Variants in TOM1L1 observed in about 807,000 individuals in gnomAD.
TOM1L1 encodes the protein TOM1-like protein 1.
In TOM1L1, 64 loss-of-function variants were observed where a neutral mutation model predicts 63.4. That is an observed-to-expected ratio of 1.01 (90% CI 0.83 to 1.24). The LOEUF is 1.24. Among genes scored for constraint, TOM1L1 ranks in the 50% most tolerant of loss-of-function variants. The pLI, the probability that TOM1L1 is intolerant of heterozygous loss-of-function variation, is 0.00. For synonymous variants in TOM1L1, 166 were observed against 194.4 expected, an observed-to-expected ratio of 0.85 and a Z score of 1.22; for missense variants, 536 against 567.0, an observed-to-expected ratio of 0.95 and a Z score of 0.55.
At chr17:54,951,249 C>T (rs756410751) in intron 14 of TOM1L1, among the ~76,000 whole-genome samples, 30 of 152,204 alleles carry the variant, frequency 2.0e-4, no homozygotes, top group Non-Finnish European at 3.8e-4. Context: ...AAGAGATGCA[C>T]AGGGCGAGGC....
At chr17:54,957,101 C>T (rs2049551326) in intron 14 of TOM1L1, 1 of 152,228 alleles carries the variant, frequency 6.6e-6, no homozygotes, top group Non-Finnish European at 1.5e-5. Flanking sequence ...CAGGTGATTA[C>T]TCAAGTTGAT....
chr17:54,936,793 T>C, intron 9 of TOM1L1, 84 bp downstream of exon 9: 1 of 1,223,812 alleles, frequency 8.2e-7, no homozygotes, highest in South Asian at 1.4e-5. Context: ...AAAACAAGTC[T>C]TAAAAAGAGG....
intron 10 of TOM1L1, 41 bp from the exon 11 acceptor site, chr17:54,938,883 C>T (rs1408491403): frequency 3.2e-6 from 4 of 1,261,784 alleles, no homozygotes; most frequent in East Asian, 2.5e-5. Flanking sequence ...AACTGACTGA[C>T]AAAATGTTTT....
At chr17:54,927,362 T>A (rs183410817) in intron 7 of TOM1L1, among the ~76,000 whole-genome samples, 5 of 152,316 alleles carry the variant, frequency 3.3e-5, no homozygotes, top group Admixed American at 2.0e-4. Context: ...TTTGTGTTTC[T>A]TTTTATTGAG....
chr17:54,900,956 G>T (rs755776533), intron 1 of TOM1L1, 33 bp downstream of exon 1: 26 of 1,613,332 alleles, frequency 1.6e-5, no homozygotes, highest in Non-Finnish European at 2.1e-5. Flanking sequence ...GCCCAGGCAG[G>T]CAGGGGACCG....
chr17:54,926,409 T>G (rs918703227), intron 7 of TOM1L1, among the ~76,000 whole-genome samples: 13 of 152,316 alleles, frequency 8.5e-5, no homozygotes, highest in African/African-American at 3.1e-4. Flanking sequence ...GCCACCTTCC[T>G]CTTATCTTGA....
chr17:54,908,793 G>GTAGCC, intron 3 of TOM1L1, among the ~76,000 whole-genome samples: 1 of 152,292 alleles, frequency 6.6e-6, no homozygotes, highest in South Asian at 2.1e-4. Flanking sequence ...TACTATTATT[G>GTAGCC]TCAAATGGAA....
At chr17:54,947,859 T>C (rs1477004803) in intron 12 of TOM1L1, among the ~76,000 whole-genome samples, 1 of 152,230 alleles carries the variant, frequency 6.6e-6, no homozygotes, top group Non-Finnish European at 1.5e-5. Flanking sequence ...CATTCAATTT[T>C]TGACAACCTA....
intron 14 of TOM1L1, among the ~76,000 whole-genome samples, chr17:54,960,135 G>C (rs888689991): frequency 2.0e-5 from 3 of 152,116 alleles, no homozygotes; most frequent in Non-Finnish European, 1.5e-5. Flanking sequence ...GGCCGAGGCG[G>C]GTGGATCACC....
chr17:54,930,001 G>T (rs1253891903), intron 7 of TOM1L1, 72 bp from the exon 8 acceptor site: 1 of 1,596,462 alleles, frequency 6.3e-7, no homozygotes, highest in East Asian at 2.2e-5. Context: ...GGTATGCGCA[G>T]ATTGGTGAGT....
intron 8 of TOM1L1, among the ~76,000 whole-genome samples, chr17:54,932,782 C>G (rs1239859165): frequency 6.6e-6 from 1 of 152,172 alleles, no homozygotes; most frequent in African/African-American, 2.4e-5. Context: ...TTCTGTGGAA[C>G]AAATTTTTAT....
chr17:54,940,548 A>T (rs1303067804), intron 11 of TOM1L1, among the ~76,000 whole-genome samples: 1 of 152,246 alleles, frequency 6.6e-6, no homozygotes, highest in Admixed American at 6.5e-5. Flanking sequence ...TTTGGGCAAT[A>T]GCAAGTAATT....
chr17:54,926,321 C>T (rs2048768395), intron 7 of TOM1L1, among the ~76,000 whole-genome samples: 1 of 152,092 alleles, frequency 6.6e-6, no homozygotes, highest in Admixed American at 6.6e-5. Context: ...TAAAGGCAGC[C>T]ACCTTGGCCA....
At position 54,901,212 on chromosome 17, in the gene TOM1L1, T is replaced by C. The variant is rs903840447; in HGVS notation, c.58+289T>C. The stretch of plus-strand genomic sequence containing the variant: ...CCGCGGGAGTCAGGCATGGAGTGTT[T>C]GGGCCTCCACGAGGAGACACCAGAA... On this transcript the variant is annotated intron_variant, in intron 1 of 15. Transcript: ENST00000575882. 2.5e-5 allele frequency: 12 copies of C among 484,816 alleles called. No homozygotes were observed. The Admixed American group carries it at 3.9e-4, about 16-fold the overall frequency. The allele number at this position is 484,816 out of a possible 1,614,324, so 30.0% of individuals were successfully genotyped here.
In TOM1L1 at chr17:54,949,638, A is replaced by G; in HGVS notation, c.1288+15A>G. 1 of 1,583,346 alleles carries G rather than the reference A, an allele frequency of 6.3e-7. No individual in the cohort carries two copies. Among genetic ancestry groups the G allele is most frequent in the Non-Finnish European group, 8.7e-7 (1 of 1,152,030 alleles). ...CAATCATCCAGGTACATGGGACCTT[A>G]TTATTCGCATCAAATAAGGAAACTT... On this transcript the variant is annotated intron_variant, in intron 13 of 15. Coordinates refer to ENST00000575882, the MANE Select transcript of TOM1L1 (RefSeq NM_005486.3).
At chr17:54,944,082 T>C (rs1010504278) in intron 11 of TOM1L1, among the ~76,000 whole-genome samples, 3 of 152,156 alleles carry the variant, frequency 2.0e-5, no homozygotes, top group Admixed American at 6.5e-5. Flanking sequence ...ATTACTCCTC[T>C]ATACATTGAA....
At chr17:54,919,676 G>T (rs1247612923) in intron 7 of TOM1L1, among the ~76,000 whole-genome samples, 3 of 152,176 alleles carry the variant, frequency 2.0e-5, no homozygotes, top group African/African-American at 7.2e-5. Flanking sequence ...ATAGGTTCTG[G>T]CAGGGGATCA....
intron 3 of TOM1L1, among the ~76,000 whole-genome samples, chr17:54,907,048 G>A (rs888660656): frequency 3.3e-5 from 5 of 152,118 alleles, no homozygotes; most frequent in Non-Finnish European, 5.9e-5. Context: ...GCATAGGCTC[G>A]CTGAATAAGC....
intron 8 of TOM1L1, among the ~76,000 whole-genome samples, chr17:54,931,529 G>C (rs2048857959): frequency 6.6e-6 from 1 of 152,138 alleles, no homozygotes; most frequent in East Asian, 1.9e-4. Flanking sequence ...GCCAAGAATG[G>C]TGGTGCACAC....
Sources: gnomAD v4.1 joint callset for allele counts (sites outside exome capture counted in the v4.1 genomes callset) on GRCh38, gnomAD v4.1.1 for gene constraint, MANE v1.5 for transcripts, NCBI Gene and HGNC (gene_info 2026-07-23, HGNC 2026-07-21) for gene names.